U2SURP: variants seen among roughly 807,000 people sequenced by gnomAD.
The protein encoded by U2SURP is U2 snRNP-associated SURP motif-containing protein.
U2SURP carries 9 observed loss-of-function variants against 144.9 expected under a neutral mutation model. That is an observed-to-expected ratio of 0.06 (90% CI 0.04 to 0.11). The LOEUF (loss-of-function observed/expected upper bound fraction) is 0.11. U2SURP is among the 10% of genes least tolerant of loss of function. U2SURP has a pLI of 1.00. For synonymous variants in U2SURP, 408 were observed against 396.8 expected, an observed-to-expected ratio of 1.03 and a Z score of -0.33; for missense variants, 724 against 1,226.7, an observed-to-expected ratio of 0.59 and a Z score of 6.12.
chr3:143,053,234 G>A (rs1480656864), intron 25 of U2SURP, among the ~76,000 whole-genome samples: 1 of 152,126 alleles, frequency 6.6e-6, no homozygotes, highest in Non-Finnish European at 1.5e-5. Context: ...TTTTTCGGCA[G>A]GTGGGACAGT....
chr3:143,040,369 T>C (rs766156483), intron 23 of U2SURP, among the ~76,000 whole-genome samples: 3 of 151,860 alleles, frequency 2.0e-5, no homozygotes, highest in Non-Finnish European at 4.4e-5. Context: ...ATCATGATAA[T>C]GTAAAAATAA....
intron 21 of U2SURP, among the ~76,000 whole-genome samples, chr3:143,037,548 T>C (rs1933880029): frequency 6.6e-6 from 1 of 152,166 alleles, no homozygotes; most frequent in African/African-American, 2.4e-5. Context: ...AGAAGCATTT[T>C]TTTCTGGTCA....
intron 23 of U2SURP, 35 bp downstream of exon 23, chr3:143,038,995 T>C: frequency 1.5e-6 from 2 of 1,346,546 alleles, no homozygotes; most frequent in Non-Finnish European, 2.0e-6. Flanking sequence ...CTGTTTCTTG[T>C]TCATATACAC....
Position 143,056,520 on chromosome 3 carries a change from A to G in U2SURP, c.*70A>G. ...TTTGTGCCTGAACGGTCTGTTTTTT[A>G]AAAAAACAAAAAATCAAATGAAAGA... On this transcript the variant is annotated 3_prime_UTR_variant, in exon 28 of 28. Transcript: ENST00000473835. 1 of 1,546,374 alleles carries G rather than the reference A, an allele frequency of 6.5e-7. No homozygotes were observed. The highest frequency in any genetic ancestry group is 8.7e-7 in the Non-Finnish European group (1 of 1,146,940).
intron 23 of U2SURP, among the ~76,000 whole-genome samples, 193 bp from the exon 24 acceptor site, chr3:143,042,924 G>T (rs1934194614): frequency 6.6e-6 from 1 of 152,088 alleles, no homozygotes; most frequent in Non-Finnish European, 1.5e-5. Flanking sequence ...GTGGAGGAAA[G>T]AAGTGTTTTA....
intron 3 of U2SURP, among the ~76,000 whole-genome samples, chr3:143,012,889 G>T (rs1033564827): frequency 4.6e-5 from 7 of 152,080 alleles, no homozygotes; most frequent in African/African-American, 1.7e-4. Context: ...ATATTTTCTT[G>T]TGGTTAAATT....
chr3:143,011,913 A>T (rs1578115780), intron 2 of U2SURP: 1 of 498,324 alleles, frequency 2.0e-6, no homozygotes, highest in African/African-American at 1.9e-5. Flanking sequence ...ACTGACAGGC[A>T]AACTATGGTG....
chr3:143,023,148 A>C (rs1353256463), intron 12 of U2SURP, 84 bp downstream of exon 12: 7 of 1,232,774 alleles, frequency 5.7e-6, no homozygotes, highest in Non-Finnish European at 7.8e-6. Context: ...AATTTTATAG[A>C]AAATGTGTGT....
In U2SURP at chr3:143,007,690, G is replaced by A. The variant is rs538092510; in HGVS notation, c.46-3125G>A. The stretch of plus-strand genomic sequence containing the variant: ...TCTCCTCTGACTTTGTGATCCGCCC[G>A]CCTTGGCCTCCCAAAGTGCTGAGAT... On this transcript the variant is annotated intron_variant, in intron 1 of 27. Transcript: ENST00000473835. Among the ~76,000 whole-genome samples, 14 of 152,172 alleles carry A rather than the reference G, an allele frequency of 9.2e-5. No individual in the cohort carries two copies. The East Asian group carries it at 1.5e-3, about 17-fold the overall frequency.
intron 3 of U2SURP, among the ~76,000 whole-genome samples, chr3:143,014,058 CTTT>C: frequency 6.7e-6 from 1 of 149,742 alleles, no homozygotes; most frequent in African/African-American, 2.4e-5. Context: ...CTATTTTTAC[CTTT>C]TTTTTTTAAC....
At chr3:143,016,682 T>A (rs1560180240) in intron 5 of U2SURP, among the ~76,000 whole-genome samples, 160 bp from the exon 6 acceptor site, 1 of 152,314 alleles carries the variant, frequency 6.6e-6, no homozygotes, top group East Asian at 1.9e-4. Context: ...AATGATTAAA[T>A]TAGCATTATT....
In U2SURP at chr3:143,040,642, A is replaced by C. The variant is rs536017181; in HGVS notation, c.2384+1682A>C. Among the ~76,000 whole-genome samples, 9 of 152,046 alleles carry C rather than the reference A, an allele frequency of 5.9e-5. No individual in the cohort carries two copies. In the South Asian group the frequency reaches 1.7e-3, roughly 28 times the overall value. On this transcript the variant is annotated intron_variant, in intron 23 of 27. Transcript: ENST00000473835. Reference sequence around the variant, plus strand: ...TATGGATTTAGAATCTTGAATTTGCATGTCTTTTTAAAAAAAGAAGAGGAA... The same window carrying C: ...TATGGATTTAGAATCTTGAATTTGCCTGTCTTTTTAAAAAAAGAAGAGGAA...
chr3:143,023,883 G>A, intron 12 of U2SURP, 92 bp from the exon 13 acceptor site: 1 of 1,191,710 alleles, frequency 8.4e-7, no homozygotes, highest in Non-Finnish European at 1.2e-6. Context: ...TAGATATGTA[G>A]TATTTTCAAT....
At chr3:143,043,051 G>GT (rs1934200063) in intron 23 of U2SURP, 66 bp from the exon 24 acceptor site, 2 of 1,403,078 alleles carry the variant, frequency 1.4e-6, no homozygotes, top group Admixed American at 5.0e-5. Context: ...AATAAAATAG[G>GT]TAGACTGTAA....
rs751631352 is a variant in U2SURP at position 143,043,118 on chromosome 3, CAAG to C, written c.2395_2397del (p.Glu799del). On this transcript the variant is annotated inframe_deletion and splice_region_variant, in exon 24 of 28. Transcript: ENST00000473835. ...AATGTATTCTGCTTGTTTCTAAAGTCAAGAAGAAGAAAGTGAAGATGAAGAAGA... is the reference window on the plus strand; with the variant it reads ...AATGTATTCTGCTTGTTTCTAAAGTCAAGAAGAAAGTGAAGATGAAGAAGA... 1.6e-5 allele frequency: 25 copies of C among 1,600,544 alleles called. No homozygotes were observed. Among genetic ancestry groups the C allele is most frequent in the Admixed American group, 6.8e-5 (4 of 58,446 alleles).
chr3:143,002,639 T>C (rs879390675), intron 1 of U2SURP, among the ~76,000 whole-genome samples: 6 of 152,126 alleles, frequency 3.9e-5, no homozygotes, highest in Admixed American at 1.3e-4. Context: ...TCTTAAAGAG[T>C]GTGTGACTGT....
intron 25 of U2SURP, among the ~76,000 whole-genome samples, chr3:143,052,197 C>T (rs2108318753): frequency 6.6e-6 from 1 of 152,262 alleles, no homozygotes; most frequent in Admixed American, 6.5e-5. Context: ...GAGTTCAAGA[C>T]CAGCCTGACC....
chr3:143,045,143 G>C (rs1296979372), intron 24 of U2SURP, among the ~76,000 whole-genome samples: 1 of 151,986 alleles, frequency 6.6e-6, no homozygotes, highest in Non-Finnish European at 1.5e-5. Flanking sequence ...GGTCGAGGCG[G>C]GTGGATCACG....
chr3:143,021,454 T>G lies in U2SURP; in HGVS notation c.770-19T>G, dbSNP rs368955990. The stretch of plus-strand genomic sequence containing the variant: ...TTTATGTTTTGCAGGTTATAATTCT[T>G]TTTTTCTTTCTGCCCTAGTTCTTGA... On this transcript the variant is annotated intron_variant, in intron 9 of 27. Transcript: ENST00000473835. The G allele has an allele frequency of 1.4e-5, 22 of 1,613,198 alleles. No individual in the cohort carries two copies. The highest frequency in any genetic ancestry group is 1.7e-5 in the Non-Finnish European group (20 of 1,179,620).
Sources: allele counts gnomAD v4.1 joint callset (sites outside exome capture counted in the v4.1 genomes callset), GRCh38; gene constraint gnomAD v4.1.1; transcripts MANE v1.5; gene names NCBI Gene and HGNC (gene_info 2026-07-23, HGNC 2026-07-21).